CLNK: variants seen among roughly 807,000 people sequenced by gnomAD.
CLNK encodes cytokine dependent hematopoietic cell linker, also known as cytokine-dependent hematopoietic cell linker.
A neutral mutation model predicts 68.6 loss-of-function variants in CLNK; 74 were observed. The observed-to-expected ratio is 1.08, with a 90% CI of 0.89 to 1.31. The LOEUF (loss-of-function observed/expected upper bound fraction) is 1.31. Ranked by LOEUF, CLNK falls within the 50% of genes most tolerant of loss-of-function variation. CLNK has a pLI of 0.00. For synonymous variants in CLNK, 198 were observed against 172.2 expected (o/e 1.15, Z -1.17); for missense variants, 553 against 515.3 (o/e 1.07, Z -0.71).
chr4:10,569,792 G>A (rs541712487), intron 5 of CLNK, among the ~76,000 whole-genome samples: 1 of 152,322 alleles, frequency 6.6e-6, no homozygotes, highest in South Asian at 2.1e-4. Flanking sequence ...TAAGCTCCCT[G>A]ACTGAGATGT....
chr4:10,497,606 A>G (rs940236597), intron 18 of CLNK, among the ~76,000 whole-genome samples: 4 of 152,250 alleles, frequency 2.6e-5, no homozygotes, highest in Admixed American at 1.3e-4. Context: ...ACCGGCTGAC[A>G]GTCTGATTAA....
chr4:10,491,446 T>C (rs1252952523), intron 18 of CLNK, among the ~76,000 whole-genome samples: 2 of 152,228 alleles, frequency 1.3e-5, no homozygotes, highest in African/African-American at 2.4e-5. Context: ...AATTCTAGTA[T>C]ACATAGAAAG....
intron 3 of CLNK, among the ~76,000 whole-genome samples, chr4:10,586,945 T>C (rs886936829): frequency 6.7e-6 from 1 of 149,970 alleles, no homozygotes; most frequent in Admixed American, 6.7e-5. Context: ...TCTGTACATG[T>C]CTTTGCCCAT....
At chr4:10,520,760 GT>G (rs780837677) in intron 15 of CLNK, 30 bp downstream of exon 15, 1 of 1,565,342 alleles carries the variant, frequency 6.4e-7, no homozygotes, top group South Asian at 1.1e-5. Flanking sequence ...TGACTTACCT[GT>G]TTATTTTATA....
chr4:10,646,276 A>T (rs1723507987), intron 2 of CLNK, among the ~76,000 whole-genome samples: 1 of 152,314 alleles, frequency 6.6e-6, no homozygotes, highest in South Asian at 2.1e-4. Flanking sequence ...TTCTAATTTC[A>T]TTTCCATTAA....
At chr4:10,690,984 GT>G in the CLNK span, among the ~76,000 whole-genome samples, 1,085 of 152,248 alleles carry the variant, frequency 7.1e-3, 17 homozygotes, top group African/African-American at 0.025. Context: ...AATGAAGAGT[GT>G]GGGGTGGGAA....
chr4:10,721,375 CT>C, the CLNK span, among the ~76,000 whole-genome samples: 1 of 152,170 alleles, frequency 6.6e-6, no homozygotes, highest in Admixed American at 6.5e-5. Flanking sequence ...TTTCTTAAAA[CT>C]GCATGAGACT....
chr4:10,559,645 C>T (rs1222204378), intron 7 of CLNK, among the ~76,000 whole-genome samples: 1 of 152,084 alleles, frequency 6.6e-6, no homozygotes, highest in African/African-American at 2.4e-5. Context: ...TTTGCAATCT[C>T]AGGGTCTTAG....
intron 3 of CLNK, among the ~76,000 whole-genome samples, chr4:10,592,258 T>C (rs1721206083): frequency 6.6e-6 from 1 of 152,210 alleles, no homozygotes; most frequent in Non-Finnish European, 1.5e-5. Flanking sequence ...TAAGCTATAG[T>C]CCTGTTCCTA....
At chr4:10,723,919 A>ACAGAGAGAGAGAGATCG in the CLNK span, among the ~76,000 whole-genome samples, 32 of 148,064 alleles carry the variant, frequency 2.2e-4, no homozygotes, top group South Asian at 8.7e-4. Context: ...AGAGAGAGAG[A>ACAGAGAGAGAGAGATCG]AGGCAGGGCA....
At chr4:10,501,940 A>G (rs1277599570) in intron 17 of CLNK, among the ~76,000 whole-genome samples, 1 of 152,226 alleles carries the variant, frequency 6.6e-6, no homozygotes, top group African/African-American at 2.4e-5. Flanking sequence ...AACAAAAACA[A>G]AAAGAAAAAA....
chr4:10,708,188 A>C, the CLNK span, among the ~76,000 whole-genome samples: 121,671 of 152,096 alleles, frequency 0.8, 49,019 homozygotes, highest in Admixed American at 0.86. Flanking sequence ...TGACTTCCTG[A>C]CGCTCCTTAA....
chr4:10,566,001 A>G lies in CLNK; in HGVS notation c.292+8T>C, dbSNP rs749132403. 2.5e-5 allele frequency: 40 copies of G among 1,613,092 alleles called. No homozygotes were observed. The highest frequency in any genetic ancestry group is 3.3e-4 in the Middle Eastern group (2 of 6,082). ...TCTTCTTATTTCAGGCAGACCCCCA[A>G]ACGTTACCTGCATATTCAGATTCCT... On this transcript the variant is annotated splice_region_variant and intron_variant, in intron 6 of 18. Coordinates refer to ENST00000226951, the MANE Select transcript of CLNK (RefSeq NM_052964.4).
At position 10,637,407 on chromosome 4, in the gene CLNK, G is replaced by T. The variant is rs192204833; in HGVS notation, c.11+30452C>A. Among the ~76,000 whole-genome samples the T allele has an allele frequency of 1.6e-3, 232 of 148,300 alleles. 1 individual carries two copies. The highest frequency in any genetic ancestry group is 0.014 in the Middle Eastern group (4 of 280). On this transcript the variant is annotated intron_variant, in intron 2 of 18. Coordinates refer to ENST00000226951, the MANE Select transcript of CLNK (RefSeq NM_052964.4). ...AAAAGCTTTGTGAGAACAAAAAATA[G>T]ACCTTTATGTGATAAGCAACAATAA...
At chr4:10,558,832 C>T (rs1719780051) in intron 7 of CLNK, among the ~76,000 whole-genome samples, 1 of 152,138 alleles carries the variant, frequency 6.6e-6, no homozygotes, top group Non-Finnish European at 1.5e-5. Context: ...TACATGAAAG[C>T]AATGAGGCAG....
chr4:10,552,136 G>A (rs946603317), intron 8 of CLNK, among the ~76,000 whole-genome samples: 1 of 152,068 alleles, frequency 6.6e-6, no homozygotes, highest in Non-Finnish European at 1.5e-5. Context: ...GATTACAGGT[G>A]TGAGCCACCA....
chr4:10,662,611 C>A (rs375364106), intron 2 of CLNK, among the ~76,000 whole-genome samples: 2 of 152,256 alleles, frequency 1.3e-5, no homozygotes, highest in South Asian at 2.1e-4. Flanking sequence ...TAGCTCAAAA[C>A]ACCATGATTT....
the CLNK span, among the ~76,000 whole-genome samples, chr4:10,704,486 C>T: frequency 6.6e-6 from 1 of 151,564 alleles, no homozygotes; most frequent in Non-Finnish European, 1.5e-5. Context: ...CTGGCTGATG[C>T]CAGCTCCCTA....
intron 2 of CLNK, among the ~76,000 whole-genome samples, chr4:10,629,057 C>G (rs895255038): frequency 1.3e-5 from 2 of 152,164 alleles, no homozygotes; most frequent in African/African-American, 4.8e-5. Flanking sequence ...AACGGAAGTC[C>G]TCTTCTTCCC....
Sources: allele counts gnomAD v4.1 joint callset (sites outside exome capture counted in the v4.1 genomes callset), GRCh38; gene constraint gnomAD v4.1.1; transcripts MANE v1.5; gene names NCBI Gene and HGNC (gene_info 2026-07-23, HGNC 2026-07-21).